The following DOCK2 variants were observed in gnomAD, a reference collection of about 807,000 sequenced individuals.
DOCK2 encodes dedicator of cytokinesis protein 2.
A neutral mutation model predicts 248.9 loss-of-function variants in DOCK2; 87 were observed. The observed-to-expected ratio is 0.35, with a 90% CI of 0.29 to 0.42. The LOEUF (loss-of-function observed/expected upper bound fraction) is 0.42, where lower values mean the gene tolerates loss of function less well. Among genes scored for constraint, DOCK2 ranks in the 10% least tolerant of loss-of-function variants. The probability of loss-of-function intolerance (pLI) is 1.00; values close to 1 mark genes in which losing one functional copy is unlikely to be tolerated. For missense variants in DOCK2, 1,747 were observed against 2,300.2 expected (o/e 0.76, Z 4.92); for synonymous variants, 805 against 821.6 (o/e 0.98, Z 0.35).
At chr5:170,068,495 C>T (rs1000485965) in intron 45 of DOCK2, among the ~76,000 whole-genome samples, 14 of 152,178 alleles carry the variant, frequency 9.2e-5, no homozygotes, top group African/African-American at 3.4e-4. Context: ...AATTTGGGGA[C>T]AATAATTCCA....
intron 26 of DOCK2, among the ~76,000 whole-genome samples, chr5:169,816,870 A>G (rs1036223787): frequency 1.3e-5 from 2 of 152,154 alleles, no homozygotes; most frequent in African/African-American, 4.8e-5. Context: ...TAAATGTGAC[A>G]ATTAAATTAT....
chr5:169,909,610 C>T (rs1410588004), intron 27 of DOCK2, among the ~76,000 whole-genome samples: 2 of 152,148 alleles, frequency 1.3e-5, no homozygotes, highest in African/African-American at 4.8e-5. Context: ...AGTTACTTGA[C>T]CAACATACAT....
At chr5:169,744,180 T>C (rs1763478428) in intron 22 of DOCK2, among the ~76,000 whole-genome samples, 1 of 152,130 alleles carries the variant, frequency 6.6e-6, no homozygotes, top group Admixed American at 6.5e-5. Flanking sequence ...AGAAGAAGAA[T>C]ACCAGGTTCT....
intron 30 of DOCK2, among the ~76,000 whole-genome samples, chr5:170,006,311 T>C (rs960723538): frequency 6.6e-6 from 1 of 152,098 alleles, no homozygotes; most frequent in Non-Finnish European, 1.5e-5. Context: ...CATGATCTGA[T>C]GTGTTTTTGT....
At chr5:169,725,216 C>T (rs1581099995) in intron 22 of DOCK2, among the ~76,000 whole-genome samples, 1 of 152,156 alleles carries the variant, frequency 6.6e-6, no homozygotes, top group Non-Finnish European at 1.5e-5. Context: ...ACAGTAATGG[C>T]TTAGTAAACT....
intron 26 of DOCK2, among the ~76,000 whole-genome samples, 172 bp from the exon 27 acceptor site, chr5:169,840,585 C>CGATGAT (rs10684419): frequency 0.099 from 14,676 of 148,130 alleles, 850 homozygotes; most frequent in East Asian, 0.23. Flanking sequence ...GGAGATATGG[C>CGATGAT]GATGATGATG....
chr5:169,915,366 G>A (rs1414429847), intron 27 of DOCK2, among the ~76,000 whole-genome samples: 2 of 151,968 alleles, frequency 1.3e-5, no homozygotes, highest in African/African-American at 4.8e-5. Flanking sequence ...TTAATTGCAG[G>A]CTTATTGTGT....
At position 170,057,846 on chromosome 5, in the gene DOCK2, TTA is replaced by T. The variant is rs534947960; in HGVS notation, c.4467+181_4467+182del. 2.9e-4 allele frequency among the ~76,000 whole-genome samples: 44 copies of T among 152,304 alleles called. 1 individual carries two copies. In the South Asian group the frequency reaches 8.5e-3, roughly 29 times the overall value. ...AGTGCCTTTCAGATTTTTTTTTTTT[TTA>T]AGCATCAGATAACCTTTTTGTTCCC... is the stretch of plus-strand genomic sequence containing the variant. On this transcript the variant is annotated intron_variant, in intron 44 of 51. Coordinates refer to ENST00000520908, the MANE Select transcript of DOCK2 (RefSeq NM_004946.3).
At chr5:170,003,787 G>C (rs1031549533) in intron 30 of DOCK2, among the ~76,000 whole-genome samples, 4 of 152,206 alleles carry the variant, frequency 2.6e-5, no homozygotes, top group African/African-American at 9.7e-5. Context: ...GTGAAGAAAG[G>C]CTTGGGGCAG....
rs909640458 is a variant in DOCK2, at chr5:169,874,647, G to A, written c.2799+33795G>A. Among the ~76,000 whole-genome samples the A allele has an allele frequency of 2.6e-5, 4 of 152,098 alleles. No individual in the cohort carries two copies. The East Asian group carries it at 7.7e-4, about 29-fold the overall frequency. ...TTGACCCTCTAGGGCCCACCAGAGG[G>A]CCGTTCTTAGCGTTTGGTCCCTTGG... On this transcript the variant is annotated intron_variant, in intron 27 of 51. Coordinates refer to ENST00000520908, the MANE Select transcript of DOCK2 (RefSeq NM_004946.3).
Position 170,081,946 on chromosome 5 carries a change from C to T in DOCK2, c.5392C>T (p.Leu1798Phe), listed in dbSNP as rs2113881283. The change falls in exon 51 of 52, where the codon CTC becomes TTC. Residue 1798 changes from leucine to phenylalanine, a missense_variant. Leu to Phe is a conservative substitution (Grantham distance 22, BLOSUM62 0). This residue lies in a region of DOCK2 where 513 missense variants were observed against 586.1 expected (regional missense o/e 0.88). Coordinates refer to ENST00000520908, the MANE Select transcript of DOCK2 (RefSeq NM_004946.3). ...LQLSDGDKKTLTRKKVNQFFK... is the reference protein window; with the variant it reads ...LQLSDGDKKTFTRKKVNQFFK... ...ACTCTCAGATGGTGACAAGAAGACACTCACACGGAAGAAGGTCAATCAGTT... is the reference window on the plus strand; with the variant it reads ...ACTCTCAGATGGTGACAAGAAGACATTCACACGGAAGAAGGTCAATCAGTT... The T allele has an allele frequency of 1.2e-6, 2 of 1,614,166 alleles. No individual in the cohort carries two copies. Among genetic ancestry groups the T allele is most frequent in the Non-Finnish European group, 1.7e-6 (2 of 1,180,022 alleles).
intron 25 of DOCK2, among the ~76,000 whole-genome samples, chr5:169,792,937 G>A (rs553761398): frequency 1.3e-5 from 2 of 152,312 alleles, no homozygotes; most frequent in African/African-American, 2.4e-5. Context: ...AGCTAGCAAT[G>A]AGGAGGCCAG....
intron 27 of DOCK2, among the ~76,000 whole-genome samples, chr5:169,904,243 G>T (rs1489386002): frequency 6.6e-6 from 1 of 152,152 alleles, no homozygotes; most frequent in Non-Finnish European, 1.5e-5. Context: ...AGACAGTACT[G>T]CTTGGCTTCA....
intron 27 of DOCK2, among the ~76,000 whole-genome samples, chr5:169,969,075 A>C (rs1033756495): frequency 6.6e-6 from 1 of 152,160 alleles, no homozygotes; most frequent in African/African-American, 2.4e-5. Flanking sequence ...GCTTGAGCCC[A>C]GCAAGTCAAG....
intron 1 of DOCK2, among the ~76,000 whole-genome samples, chr5:169,639,824 A>G (rs1757050365): frequency 6.6e-6 from 1 of 152,222 alleles, no homozygotes; most frequent in African/African-American, 2.4e-5. Flanking sequence ...AAGTAAGGAG[A>G]GGAGGAAGAA....
chr5:169,963,875 T>C (rs1335321153), intron 27 of DOCK2, among the ~76,000 whole-genome samples: 1 of 152,132 alleles, frequency 6.6e-6, no homozygotes, highest in African/African-American at 2.4e-5. Context: ...CTAGATGCTC[T>C]AATTCAGTGG....
intron 8 of DOCK2, among the ~76,000 whole-genome samples, chr5:169,685,433 T>TG (rs2113374728): frequency 6.6e-6 from 1 of 152,316 alleles, no homozygotes; most frequent in South Asian, 2.1e-4. Flanking sequence ...GACCACTGCC[T>TG]GTCTCCTCCA....
chr5:169,812,446 A>T (rs968467940), intron 26 of DOCK2, among the ~76,000 whole-genome samples: 1 of 152,220 alleles, frequency 6.6e-6, no homozygotes, highest in Non-Finnish European at 1.5e-5. Flanking sequence ...TTACAAGGTA[A>T]TATAATAATA....
At chr5:169,784,504 A>G (rs375214154) in intron 25 of DOCK2, among the ~76,000 whole-genome samples, 12 of 152,332 alleles carry the variant, frequency 7.9e-5, no homozygotes, top group African/African-American at 2.4e-4. Flanking sequence ...AGTAAGCAAA[A>G]CTATTTTCCT....
Sources: gnomAD v4.1 joint callset for allele counts (sites outside exome capture counted in the v4.1 genomes callset) on GRCh38, gnomAD v4.1.1 for gene constraint, gnomAD v4.1.1 regional missense constraint, MANE v1.5 for transcripts, NCBI Gene and HGNC (gene_info 2026-07-23, HGNC 2026-07-21) for gene names.